FAAH2: variants seen among roughly 807,000 people sequenced by gnomAD.
FAAH2 encodes fatty-acid amide hydrolase 2.
Under a neutral mutation model 36.9 loss-of-function variants are expected in FAAH2, and 60 were observed. The observed-to-expected ratio is 1.63, with a 90% CI of 1.32 to 2.02. The LOEUF (loss-of-function observed/expected upper bound fraction) is 2.02. Ranked by LOEUF, FAAH2 falls within the 30% of genes most tolerant of loss-of-function variation. The pLI is 0.00. For synonymous variants in FAAH2, 214 were observed against 143.8 expected (o/e 1.49, Z -3.49); for missense variants, 689 against 397.5 (o/e 1.73, Z -6.23).
the FAAH2 span, among the ~76,000 whole-genome samples, chrX:57,253,698 C>A: frequency 1.8e-5 from 2 of 111,327 alleles, no homozygotes; most frequent in South Asian, 3.8e-4. Flanking sequence ...GAATAAAATT[C>A]TTTACAGAGA....
At chrX:57,145,086 C>A in the FAAH2 span, among the ~76,000 whole-genome samples, 3 of 111,500 alleles carry the variant, frequency 2.7e-5, no homozygotes, top group Middle Eastern at 4.6e-3. Flanking sequence ...AGTGGGATTG[C>A]TGGATCAAAT....
chrX:57,177,641 GAAA>G, the FAAH2 span, among the ~76,000 whole-genome samples: 27 of 55,660 alleles, frequency 4.9e-4, no homozygotes, highest in Middle Eastern at 0.012. Flanking sequence ...CCTGATGACT[GAAA>G]AAAAAAAAAA....
At position 57,472,875 on chromosome X, in the gene FAAH2, T is replaced by G. The variant is rs1036429501; in HGVS notation, c.1424-15882T>G. On this transcript the variant is annotated intron_variant, in intron 10 of 10. Coordinates refer to ENST00000374900, the MANE Select transcript of FAAH2 (RefSeq NM_174912.4). ...CTATGGCATAAGTTGTAATATCACC[T>G]TCATCATTTCTGATTGTGCTTATTT... Among the ~76,000 whole-genome samples, 11 of 111,592 alleles carry G rather than the reference T, an allele frequency of 9.9e-5. No individual in the cohort carries two copies. The East Asian group carries it at 2.5e-3, about 26-fold the overall frequency.
Position 57,352,020 on chromosome X carries a change from G to GTATATATATA in FAAH2, c.742+10637_742+10646dup, listed in dbSNP as rs1555979965. On this transcript the variant is annotated intron_variant, in intron 5 of 10. Coordinates refer to ENST00000374900, the MANE Select transcript of FAAH2 (RefSeq NM_174912.4). ...TAAGGAAGCAAATATATGTGTGTGTGTATATATATATATATACATATATAT... is the reference window on the plus strand; with the variant it reads ...TAAGGAAGCAAATATATGTGTGTGTGTATATATATATATATATATATATATACATATATAT... 9.0e-4 allele frequency among the ~76,000 whole-genome samples: 7 copies of GTATATATATA among 7,763 alleles called. 1 individual carries two copies. The highest frequency in any genetic ancestry group is 3.7e-3 in the Non-Finnish European group (2 of 540). The allele number at this position is 7,763 out of a possible 115,157, so 6.7% of individuals were successfully genotyped here. A position where few individuals can be genotyped will look rare whatever the true frequency, so the allele number is the denominator to read the frequency against.
the FAAH2 span, among the ~76,000 whole-genome samples, chrX:57,141,957 C>G: frequency 1.9e-4 from 21 of 110,126 alleles, no homozygotes; most frequent in Admixed American, 1.7e-3. Context: ...CCTTGCCCCC[C>G]ACACCCCGGT....
intron 5 of FAAH2, among the ~76,000 whole-genome samples, chrX:57,365,798 A>C (rs1190778425): frequency 2.7e-5 from 3 of 111,563 alleles, no homozygotes; most frequent in Non-Finnish European, 5.6e-5. Flanking sequence ...ATCAAAGGAG[A>C]AGTTTCTGAG....
At chrX:57,252,317 C>T in the FAAH2 span, among the ~76,000 whole-genome samples, 1 of 112,751 alleles carries the variant, frequency 8.9e-6, no homozygotes, top group African/African-American at 3.2e-5. Context: ...GAGGGCATAT[C>T]TGAACAAAAG....
intron 7 of FAAH2, among the ~76,000 whole-genome samples, chrX:57,392,488 T>A (rs1438176834): frequency 4.5e-5 from 5 of 112,067 alleles, no homozygotes; most frequent in Non-Finnish European, 3.8e-5. Context: ...GAATTAAGGC[T>A]GAAAATGACA....
chrX:57,456,221 G>A (rs1375029513), intron 10 of FAAH2, among the ~76,000 whole-genome samples: 3 of 111,702 alleles, frequency 2.7e-5, no homozygotes, highest in East Asian at 5.6e-4. Context: ...ACAAAATTAA[G>A]ACAGTAATTA....
the FAAH2 span, among the ~76,000 whole-genome samples, chrX:57,130,584 G>T: frequency 8.9e-6 from 1 of 112,222 alleles, no homozygotes; most frequent in East Asian, 2.8e-4. Context: ...TTTAGTTAAA[G>T]AGTTTTCATG....
At chrX:57,435,827 C>A (rs1007037491) in intron 8 of FAAH2, among the ~76,000 whole-genome samples, 2 of 111,168 alleles carry the variant, frequency 1.8e-5, no homozygotes, top group Admixed American at 1.9e-4. Flanking sequence ...CTTATTTGGA[C>A]TTTAGGTGCA....
chrX:57,456,509 T>C (rs1473237742), intron 10 of FAAH2, among the ~76,000 whole-genome samples: 1 of 111,710 alleles, frequency 9.0e-6, no homozygotes, highest in African/African-American at 3.3e-5. Flanking sequence ...GTGTTGCTCC[T>C]TCAAAAGAAT....
chrX:57,294,269 A>ACT (rs2052068997), intron 2 of FAAH2, among the ~76,000 whole-genome samples: 1 of 112,036 alleles, frequency 8.9e-6, no homozygotes, highest in Non-Finnish European at 1.9e-5. Flanking sequence ...ACTAAAACTT[A>ACT]CTCTCAAGGC....
At chrX:57,165,717 GA>G in the FAAH2 span, among the ~76,000 whole-genome samples, 25 of 110,021 alleles carry the variant, frequency 2.3e-4, no homozygotes, top group South Asian at 3.9e-4. Flanking sequence ...AATAAAAAAA[GA>G]AAAAAAAGAA....
chrX:57,281,489 A>G, the FAAH2 span, among the ~76,000 whole-genome samples: 2 of 112,044 alleles, frequency 1.8e-5, no homozygotes, highest in Non-Finnish European at 3.8e-5. Context: ...TTTGATTTAC[A>G]TAGTTGTATA....
intron 3 of FAAH2, among the ~76,000 whole-genome samples, chrX:57,311,692 C>T (rs1295746534): frequency 2.7e-5 from 3 of 112,355 alleles, no homozygotes; most frequent in Non-Finnish European, 5.6e-5. Flanking sequence ...GCTTTCCTGC[C>T]TTTCAGCTAC....
the FAAH2 span, among the ~76,000 whole-genome samples, chrX:57,249,094 AT>A: frequency 9.0e-6 from 1 of 111,460 alleles, no homozygotes; most frequent in African/African-American, 3.3e-5. Flanking sequence ...TACTATGTGA[AT>A]TTCCAAACTT....
At chrX:57,201,779 G>A in the FAAH2 span, among the ~76,000 whole-genome samples, 2 of 111,132 alleles carry the variant, frequency 1.8e-5, no homozygotes, top group Non-Finnish European at 3.8e-5. Context: ...GTAACTCTTA[G>A]ATTTCCCTTT....
At chrX:57,245,215 C>A in the FAAH2 span, among the ~76,000 whole-genome samples, 1 of 111,813 alleles carries the variant, frequency 8.9e-6, no homozygotes, top group African/African-American at 3.2e-5. Context: ...AATACAGGAG[C>A]AACCAGATTA....
Sources: allele counts gnomAD v4.1 joint callset (sites outside exome capture counted in the v4.1 genomes callset), GRCh38; gene constraint gnomAD v4.1.1; transcripts MANE v1.5; gene names NCBI Gene and HGNC (gene_info 2026-07-23, HGNC 2026-07-21).